The following IL6 variants were observed in gnomAD, a reference collection of about 807,000 sequenced individuals.
IL6 encodes interleukin-6.
IL6 carries 5 observed loss-of-function variants against 18.0 expected under a neutral mutation model. That is an observed-to-expected ratio of 0.28 (90% CI 0.15 to 0.58). The LOEUF is 0.58. Ranked by LOEUF, IL6 falls within the 20% of genes least tolerant of loss-of-function variation. The probability of loss-of-function intolerance (pLI) is 0.90; values close to 1 mark genes in which losing one functional copy is unlikely to be tolerated. For synonymous variants in IL6, 97 were observed against 95.1 expected, an observed-to-expected ratio of 1.02 and a Z score of -0.12; for missense variants, 266 against 251.0, an observed-to-expected ratio of 1.06 and a Z score of -0.40.
chr7:22,729,896 G>A, intron 4 of IL6: 3 of 1,401,312 alleles, frequency 2.1e-6, no homozygotes, highest in South Asian at 1.7e-5. Context: ...ATTAACTGAG[G>A]TGGATTTTAA....
At chr7:22,728,586 ATT>A (rs1344288762) in intron 2 of IL6, 105 bp from the exon 3 acceptor site, 1 of 706,200 alleles carries the variant, frequency 1.4e-6, no homozygotes, top group African/African-American at 1.8e-5. Context: ...TTGTAGCTTC[ATT>A]TTTCTTAGAG....
At position 22,731,417 on chromosome 7, in the gene IL6, A is replaced by T. The variant is rs1784121838; in HGVS notation, c.483A>T (p.Leu161=). ...IQFLQKKAKN[L]DAITTPDPTT... ...TCATTTTCCTTCAGGCAAAGAATCT[A>T]GATGCAATAACCACCCCTGACCCAA... Residue 161 remains leucine, a synonymous_variant, in exon 5 of 5, where the codon CTA becomes CTT. Coordinates refer to ENST00000258743, the MANE Select transcript of IL6 (RefSeq NM_000600.5). The T allele has an allele frequency of 1.9e-6, 3 of 1,574,234 alleles. No homozygotes were observed.
In IL6 at chr7:22,731,421, G is replaced by A; in HGVS notation, c.487G>A (p.Ala163Thr). 1 of 1,574,088 alleles carries A rather than the reference G, an allele frequency of 6.4e-7. No individual in the cohort carries two copies. The highest frequency in any genetic ancestry group is 1.1e-5 in the South Asian group (1 of 87,204). ...TTTCCTTCAGGCAAAGAATCTAGAT[G>A]CAATAACCACCCCTGACCCAACCAC... is the stretch of plus-strand genomic sequence containing the variant. ...FLQKKAKNLD[A>T]ITTPDPTTNA... The change falls in exon 5 of 5, where the codon GCA becomes ACA. Residue 163 changes from alanine (A) to threonine (T), a missense_variant. Ala to Thr is a moderately conservative substitution (Grantham distance 58). Coordinates refer to ENST00000258743, the MANE Select transcript of IL6 (RefSeq NM_000600.5).
chr7:22,727,738 T>G lies in IL6; in HGVS notation c.210+104T>G, dbSNP rs938553172. 4 of 1,311,352 alleles carry G rather than the reference T, an allele frequency of 3.1e-6. No individual in the cohort carries two copies. The African/African-American group carries it at 6.0e-5, about 20-fold the overall frequency. The allele number at this position is 1,311,352 out of a possible 1,614,324, so 81.2% of individuals were successfully genotyped here. A position where few individuals can be genotyped will look rare whatever the true frequency, so the allele number is the denominator to read the frequency against. On this transcript the variant is annotated intron_variant, in intron 2 of 4. Coordinates refer to ENST00000258743, the MANE Select transcript of IL6 (RefSeq NM_000600.5). ...CTGCATTAGGAGGTCTTTGCTGGGT[T>G]CTAGAGCACTGTAGATTTGAGGCCA...
chr7:22,729,994 C>T (rs1784096454), intron 4 of IL6: 1 of 985,262 alleles, frequency 1.0e-6, no homozygotes, highest in African/African-American at 1.7e-5. Flanking sequence ...CAGTGATCCA[C>T]AGAAACAAAG....
At chr7:22,730,013 G>A (rs1216672239) in intron 4 of IL6, 1 of 985,264 alleles carries the variant, frequency 1.0e-6, no homozygotes, top group African/African-American at 1.7e-5. Flanking sequence ...AGACCAAGGA[G>A]CACAAAATGA....
intron 4 of IL6, 95 bp downstream of exon 4, chr7:22,729,755 A>G (rs746635233): frequency 6.2e-7 from 1 of 1,601,250 alleles, no homozygotes; most frequent in Non-Finnish European, 8.5e-7. Flanking sequence ...CACTTCCAAA[A>G]GAGAAGGCTA....
intron 4 of IL6, 114 bp downstream of exon 4, chr7:22,729,774 CAA>C (rs773977658): frequency 1.6e-5 from 25 of 1,574,684 alleles, no homozygotes; most frequent in Non-Finnish European, 2.1e-5. Context: ...TACACGTAAA[CAA>C]AAGAGTCTGA....
rs746547335 is a variant in IL6, at chr7:22,729,670, T to C, written c.471+10T>C. The C allele has an allele frequency of 1.2e-6, 2 of 1,614,054 alleles. No homozygotes were observed. Among genetic ancestry groups the C allele is most frequent in the Non-Finnish European group, 1.7e-6 (2 of 1,180,026 alleles). On this transcript the variant is annotated intron_variant, in intron 4 of 4. Transcript: ENST00000258743. ...GTTCCTGCAGAAAAAGGTGGGTGTG[T>C]CCTCATTCCCTCAACTTGGTGTGGG... is the stretch of plus-strand genomic sequence containing the variant.
In IL6 at chr7:22,729,876, TA is replaced by T. The variant is rs1448866781; in HGVS notation, c.471+219del. 9 of 1,456,894 alleles carry T rather than the reference TA, an allele frequency of 6.2e-6. No homozygotes were observed. The African/African-American group carries it at 1.3e-4, about 21-fold the overall frequency. The allele number at this position is 1,456,894 out of a possible 1,614,324, so 90.2% of individuals were successfully genotyped here. A position where few individuals can be genotyped will look rare whatever the true frequency, so the allele number is the denominator to read the frequency against. Reference sequence around the variant, plus strand: ...GCAAAGGACATCAATAACTGTATTTTAAACTATATATTAACTGAGGTGGATT... The same window carrying T: ...GCAAAGGACATCAATAACTGTATTTTAACTATATATTAACTGAGGTGGATT... On this transcript the variant is annotated intron_variant, in intron 4 of 4. Transcript: ENST00000258743.
rs761157550 is a variant in IL6, at chr7:22,728,732, G to T, written c.250G>T (p.Ala84Ser). ...TAACATGTGTGAAAGCAGCAAAGAG[G>T]CACTGGCAGAAAACAACCTGAACCT... ...KSNMCESSKEALAENNLNLPK... is the reference protein window; with the variant it reads ...KSNMCESSKESLAENNLNLPK... The change falls in exon 3 of 5, where the codon GCA becomes TCA. Residue 84 changes from alanine (A) to serine (S), a missense_variant. Transcript: ENST00000258743. The T allele has an allele frequency of 6.2e-7, 1 of 1,612,982 alleles. No homozygotes were observed. The highest frequency in any genetic ancestry group is 1.1e-5 in the South Asian group (1 of 91,066).
chr7:22,729,529 A>C lies in IL6; in HGVS notation c.340A>C (p.Lys114Gln). ...SGFNEETCLV[K>Q]IITGLLEFEV... ...TTCCTCTTAGGAGACTTGCCTGGTG[A>C]AAATCATCACTGGTCTTTTGGAGTT... Residue 114 changes from lysine to glutamine, a missense_variant, in exon 4 of 5, where the codon AAA becomes CAA. Lys to Gln is a moderately conservative substitution (Grantham distance 53, BLOSUM62 1). Transcript: ENST00000258743. 1 of 1,613,750 alleles carries C rather than the reference A, an allele frequency of 6.2e-7. No individual in the cohort carries two copies. Among genetic ancestry groups the C allele is most frequent in the South Asian group, 1.1e-5 (1 of 91,016 alleles).
At chr7:22,728,125 A>G (rs1414392903) in intron 2 of IL6, among the ~76,000 whole-genome samples, 1 of 152,186 alleles carries the variant, frequency 6.6e-6, no homozygotes. Context: ...AGGTTAAAGC[A>G]TCTCCCCACT....
intron 2 of IL6, chr7:22,728,440 T>G: frequency 2.2e-6 from 1 of 464,606 alleles, no homozygotes; most frequent in Admixed American, 3.4e-5. Flanking sequence ...CAAAACAAAT[T>G]TGCAAGGAAG....
At position 22,730,146 on chromosome 7, in the gene IL6, G is replaced by A. The variant is rs191229975; in HGVS notation, c.471+486G>A. 5.1e-6 allele frequency: 5 copies of A among 985,410 alleles called. No homozygotes were observed. The South Asian group carries it at 1.4e-4, about 28-fold the overall frequency. The allele number at this position is 985,410 out of a possible 1,614,324, so 61.0% of individuals were successfully genotyped here. A position where few individuals can be genotyped will look rare whatever the true frequency, so the allele number is the denominator to read the frequency against. ...GTCAGAGACTCAAGGGTGGAAAGAG[G>A]TACCAAAGGCTTTGGCCACCAGTAG... On this transcript the variant is annotated intron_variant, in intron 4 of 4. Transcript: ENST00000258743.
chr7:22,728,355 A>C (rs947208122), intron 2 of IL6: 12 of 241,498 alleles, frequency 5.0e-5, no homozygotes, highest in Non-Finnish European at 5.7e-5. Context: ...ATATTCTCCT[A>C]ATTATTGTCA....
chr7:22,727,611 G>T lies in IL6; in HGVS notation c.187G>T (p.Gly63Cys), dbSNP rs752257060. ...CAAACAAATTCGGTACATCCTCGAC[G>T]GCATCTCAGCCCTGAGAAAGGAGGT... ...IDKQIRYILD[G>C]ISALRKETCN... The change falls in exon 2 of 5, where the codon GGC (glycine) becomes TGC (cysteine). Residue 63 changes from glycine (G) to cysteine (C), a missense_variant. By Grantham distance (159) the Gly-to-Cys change is radical. Transcript: ENST00000258743. The T allele has an allele frequency of 6.4e-7, 1 of 1,561,574 alleles. No homozygotes were observed. Among genetic ancestry groups the T allele is most frequent in the Admixed American group, 1.9e-5 (1 of 53,330 alleles).
intron 4 of IL6, chr7:22,730,004 G>C (rs1784096616): frequency 1.0e-6 from 1 of 985,386 alleles, no homozygotes; most frequent in Non-Finnish European, 1.2e-6. Flanking sequence ...CAGAAACAAA[G>C]ACCAAGGAGC....
At position 22,727,358 on chromosome 7, in the gene IL6, G is replaced by A. The variant is rs571307563; in HGVS notation, c.19+77G>A. On this transcript the variant is annotated intron_variant, in intron 1 of 4. Transcript: ENST00000258743. ...GTGTGAGGGAGGGGTGTGTGGCCCA[G>A]GGAGGGCTGGCGGGCGGCCAGCAGC... The A allele has an allele frequency of 2.5e-6, 4 of 1,613,744 alleles. No homozygotes were observed. In the African/African-American group the frequency reaches 5.3e-5, roughly 22 times the overall value.
Sources: gnomAD v4.1 joint callset for allele counts (sites outside exome capture counted in the v4.1 genomes callset) on GRCh38, gnomAD v4.1.1 for gene constraint, MANE v1.5 for transcripts, NCBI Gene and HGNC (gene_info 2026-07-23, HGNC 2026-07-21) for gene names.